Variants in PLAA observed in about 807,000 individuals in gnomAD.
PLAA encodes the protein phospholipase A-2-activating protein.
Under a neutral mutation model 84.1 loss-of-function variants are expected in PLAA, and 48 were observed. That is an observed-to-expected ratio of 0.57 (90% CI 0.45 to 0.73). The LOEUF (loss-of-function observed/expected upper bound fraction) is 0.73. Ranked by LOEUF, PLAA falls within the 30% of genes least tolerant of loss-of-function variation. The pLI is 0.00. For synonymous variants in PLAA, 392 were observed against 336.6 expected (o/e 1.16, Z -1.80); for missense variants, 903 against 954.7 (o/e 0.95, Z 0.71).
intron 10 of PLAA, chr9:26,916,405 T>C (rs1824561163): frequency 2.0e-6 from 2 of 986,904 alleles, no homozygotes; most frequent in South Asian, 4.7e-5. Context: ...TGGCACTTTT[T>C]CCAGTAGTGT....
At chr9:26,906,226 A>G in intron 13 of PLAA, 150 bp from the exon 14 acceptor site, 1 of 515,998 alleles carries the variant, frequency 1.9e-6, no homozygotes. Flanking sequence ...AAATGCATAT[A>G]TTTCTGAAAC....
intron 1 of PLAA, among the ~76,000 whole-genome samples, chr9:26,942,544 G>C (rs1333602998): frequency 6.6e-6 from 1 of 152,198 alleles, no homozygotes; most frequent in African/African-American, 2.4e-5. Context: ...TAAAATTGTT[G>C]AGGAAGAGTT....
At chr9:26,908,532 C>T (rs558822511) in intron 12 of PLAA, among the ~76,000 whole-genome samples, 5 of 150,192 alleles carry the variant, frequency 3.3e-5, no homozygotes, top group South Asian at 4.3e-4. Flanking sequence ...GGCATGATCT[C>T]GGCTCACTGC....
At chr9:26,938,950 T>G (rs897457329) in intron 1 of PLAA, among the ~76,000 whole-genome samples, 1 of 152,150 alleles carries the variant, frequency 6.6e-6, no homozygotes, top group African/African-American at 2.4e-5. Flanking sequence ...GATGGAGCTA[T>G]AAAGAAGAAT....
intron 9 of PLAA, 131 bp from the exon 10 acceptor site, chr9:26,917,296 G>T: frequency 1.5e-6 from 1 of 656,078 alleles, no homozygotes; most frequent in Non-Finnish European, 2.7e-6. Flanking sequence ...ATGATAGAAT[G>T]ACAGAAACTA....
At chr9:26,944,014 T>C (rs1467450794) in intron 1 of PLAA, among the ~76,000 whole-genome samples, 1 of 152,306 alleles carries the variant, frequency 6.6e-6, no homozygotes, top group East Asian at 1.9e-4. Context: ...AAAGTTCATG[T>C]GCTGGAAACT....
chr9:26,943,991 G>C (rs1327930404), intron 1 of PLAA, among the ~76,000 whole-genome samples: 1 of 152,140 alleles, frequency 6.6e-6, no homozygotes, highest in East Asian at 1.9e-4. Context: ...ATTATGGCCT[G>C]AACGTGTCCC....
intron 2 of PLAA, among the ~76,000 whole-genome samples, chr9:26,931,636 A>G (rs1443257678): frequency 6.6e-6 from 1 of 152,226 alleles, no homozygotes; most frequent in African/African-American, 2.4e-5. Context: ...GTGACTGAAG[A>G]ACACATTAAA....
chr9:26,930,884 G>C (rs145616439), intron 2 of PLAA, among the ~76,000 whole-genome samples: 227 of 151,980 alleles, frequency 1.5e-3, no homozygotes, highest in African/African-American at 5.0e-3. Flanking sequence ...TGCCCAGTCT[G>C]AGATCTTAAT....
At chr9:26,929,273 T>C (rs541036955) in intron 2 of PLAA, among the ~76,000 whole-genome samples, 42 of 152,186 alleles carry the variant, frequency 2.8e-4, no homozygotes, top group Admixed American at 2.2e-3. Context: ...CATTTTGAAC[T>C]GAGCTCAGGA....
intron 1 of PLAA, among the ~76,000 whole-genome samples, chr9:26,940,942 T>A (rs563648336): frequency 1.3e-5 from 2 of 152,228 alleles, no homozygotes; most frequent in South Asian, 4.2e-4. Flanking sequence ...AAAATCTGTA[T>A]TATGTAAACC....
chr9:26,916,607 A>G (rs1183047503), intron 10 of PLAA: 2 of 989,054 alleles, frequency 2.0e-6, no homozygotes, highest in Non-Finnish European at 2.4e-6. Flanking sequence ...GCTCCATCCA[A>G]TATCAGGGCT....
chr9:26,927,731 A>G (rs781530510), intron 4 of PLAA, among the ~76,000 whole-genome samples: 1 of 152,224 alleles, frequency 6.6e-6, no homozygotes, highest in Non-Finnish European at 1.5e-5. Context: ...ATATATGAAG[A>G]TAACACTGCT....
intron 4 of PLAA, 77 bp from the exon 5 acceptor site, chr9:26,926,637 T>C (rs1295226717): frequency 1.1e-4 from 115 of 1,045,722 alleles, no homozygotes; most frequent in Non-Finnish European, 1.6e-4. Context: ...ACTAACATTA[T>C]AAAACATATC....
chr9:26,922,176 C>A (rs917013905), intron 7 of PLAA, among the ~76,000 whole-genome samples: 1 of 152,000 alleles, frequency 6.6e-6, no homozygotes, highest in Non-Finnish European at 1.5e-5. Flanking sequence ...GTTTTCTCAC[C>A]CGGAATATTT....
intron 1 of PLAA, among the ~76,000 whole-genome samples, chr9:26,940,638 G>A (rs1380625298): frequency 2.0e-5 from 3 of 152,152 alleles, no homozygotes; most frequent in East Asian, 1.9e-4. Context: ...TGGTTAAGAT[G>A]GCAAATTTTA....
At chr9:26,930,423 T>C (rs1825144305) in intron 2 of PLAA, among the ~76,000 whole-genome samples, 1 of 151,946 alleles carries the variant, frequency 6.6e-6, no homozygotes, top group Non-Finnish European at 1.5e-5. Context: ...TTATTAACCA[T>C]GTTGCCCTTT....
At chr9:26,926,314 T>C (rs894739823) in intron 5 of PLAA, 79 bp downstream of exon 5, 18 of 877,798 alleles carry the variant, frequency 2.1e-5, no homozygotes, top group Non-Finnish European at 3.1e-5. Context: ...AGTAATCAGC[T>C]CTCCTCCCTC....
chr9:26,905,801 T>C lies in PLAA; in HGVS notation c.2098A>G (p.Ile700Val), dbSNP rs748426225. Residue 700 changes from isoleucine to valine, a missense_variant, in exon 14 of 14, where the codon ATT becomes GTT. Physicochemically the swap from Ile to Val is conservative, Grantham distance 29. Transcript: ENST00000397292. ...TTCAGGGCCAATGTAGCCAGAGCAA[T>C]GTGAATGTTCTTATTGCTCCCTGAT... The part of the protein sequence containing the change: ...LKSGSNKNIH[I>V]ALATLALNYS... The C allele has an allele frequency of 2.4e-5, 38 of 1,614,062 alleles. No individual in the cohort carries two copies. In the South Asian group the frequency reaches 4.0e-4, roughly 17 times the overall value.
Sources: allele counts gnomAD v4.1 joint callset (sites outside exome capture counted in the v4.1 genomes callset), GRCh38; gene constraint gnomAD v4.1.1; transcripts MANE v1.5; gene names NCBI Gene and HGNC (gene_info 2026-07-23, HGNC 2026-07-21).